The following UBR3 variants were observed in gnomAD, a reference collection of about 807,000 sequenced individuals.
The protein encoded by UBR3 is ubiquitin protein ligase E3 component n-recognin 3.
UBR3 carries 85 observed loss-of-function variants against 243.2 expected under a neutral mutation model. That is an observed-to-expected ratio of 0.35 (90% CI 0.29 to 0.42). The LOEUF is 0.42. UBR3 is among the 10% of genes least tolerant of loss of function. UBR3 has a pLI of 1.00. For missense variants in UBR3, 1,686 were observed against 2,300.8 expected (o/e 0.73, Z 5.47); for synonymous variants, 748 against 799.8 (o/e 0.94, Z 1.09).
chr2:170,031,495 T>C (rs1479525079), intron 31 of UBR3, among the ~76,000 whole-genome samples: 1 of 152,156 alleles, frequency 6.6e-6, no homozygotes, highest in Non-Finnish European at 1.5e-5. Flanking sequence ...TCTGTGGTTT[T>C]AATTTTTATG....
At chr2:170,036,061 T>C (rs1482763590) in intron 31 of UBR3, among the ~76,000 whole-genome samples, 1 of 152,066 alleles carries the variant, frequency 6.6e-6, no homozygotes, top group African/African-American at 2.4e-5. Context: ...CAGGAGTTTT[T>C]TGGTCAGTTT....
At chr2:170,009,073 T>C (rs7567572) in intron 29 of UBR3, 133 bp downstream of exon 29, 41,235 of 544,358 alleles carry the variant, frequency 0.076, 1,886 homozygotes, top group African/African-American at 0.16. Context: ...CTAGTTTTAG[T>C]GCCTGCTAGG....
chr2:169,914,798 C>T (rs1025144159), intron 11 of UBR3, among the ~76,000 whole-genome samples: 5 of 151,928 alleles, frequency 3.3e-5, no homozygotes, highest in Non-Finnish European at 5.9e-5. Context: ...CACACAGAAC[C>T]GTTGCTGTGT....
At chr2:169,896,373 ATTT>A (rs1217656049) in intron 7 of UBR3, 131 bp from the exon 8 acceptor site, 21 of 570,864 alleles carry the variant, frequency 3.7e-5, no homozygotes, top group Admixed American at 1.5e-4. Context: ...CACCATCGAG[ATTT>A]TTTTTAAGTT....
chr2:170,072,062 C>G (rs532291992), intron 35 of UBR3, among the ~76,000 whole-genome samples: 216 of 152,170 alleles, frequency 1.4e-3, no homozygotes, highest in Non-Finnish European at 2.6e-3. Context: ...CCCAGCCATC[C>G]CATTACTGGG....
intron 19 of UBR3, among the ~76,000 whole-genome samples, chr2:169,935,729 C>T (rs920278855): frequency 6.6e-6 from 1 of 152,158 alleles, no homozygotes; most frequent in Non-Finnish European, 1.5e-5. Flanking sequence ...TGGTTTGAGT[C>T]ACTTAAATAA....
chr2:169,951,291 ATCT>A (rs953535379), intron 23 of UBR3, among the ~76,000 whole-genome samples: 1 of 152,192 alleles, frequency 6.6e-6, no homozygotes, highest in African/African-American at 2.4e-5. Flanking sequence ...GGATAATTTC[ATCT>A]TCTTAGTTAC....
At chr2:169,935,080 T>C (rs921514567) in intron 19 of UBR3, among the ~76,000 whole-genome samples, 2 of 152,276 alleles carry the variant, frequency 1.3e-5, no homozygotes, top group African/African-American at 4.8e-5. Context: ...AAACCAGCAG[T>C]TGGAAAACCA....
chr2:169,962,038 G>A lies in UBR3; in HGVS notation c.3634+3512G>A, dbSNP rs6433159. Among the ~76,000 whole-genome samples, 445 of 151,988 alleles carry A rather than the reference G, an allele frequency of 2.9e-3. 3 individuals carry two copies. Among genetic ancestry groups the A allele is most frequent in the African/African-American group, 0.01 (420 of 41,438 alleles). On this transcript the variant is annotated intron_variant, in intron 24 of 38. Transcript: ENST00000272793. Reference sequence around the variant, plus strand: ...TTTCTCATATTAGGTAATGAAAGACGTTGTGGCTTCTGTCTTTGTTACTTT... The same window carrying A: ...TTTCTCATATTAGGTAATGAAAGACATTGTGGCTTCTGTCTTTGTTACTTT...
intron 3 of UBR3, 42 bp downstream of exon 3, chr2:169,875,991 A>G: frequency 1.4e-6 from 2 of 1,381,880 alleles, no homozygotes; most frequent in Non-Finnish European, 1.9e-6. Context: ...TTCATATCTT[A>G]CTATAATGAT....
chr2:169,831,700 C>T (rs1038798663), intron 1 of UBR3, among the ~76,000 whole-genome samples: 5 of 152,164 alleles, frequency 3.3e-5, no homozygotes, highest in African/African-American at 1.2e-4. Context: ...ACCTAAAAGA[C>T]TGCCTCTGGA....
At chr2:169,987,461 T>G (rs1219035544) in intron 25 of UBR3, among the ~76,000 whole-genome samples, 1 of 148,522 alleles carries the variant, frequency 6.7e-6, no homozygotes, top group Non-Finnish European at 1.5e-5. Flanking sequence ...CCTTAGCCCA[T>G]AAATATTGTC....
At chr2:170,017,546 GACACACACAC>G (rs34813217) in intron 30 of UBR3, among the ~76,000 whole-genome samples, 178 of 125,828 alleles carry the variant, frequency 1.4e-3, no homozygotes, top group Non-Finnish European at 2.4e-3. Context: ...CACACACACA[GACACACACAC>G]ACACACACAC....
At chr2:169,855,357 T>A (rs1030654405) in intron 1 of UBR3, among the ~76,000 whole-genome samples, 26 of 152,184 alleles carry the variant, frequency 1.7e-4, no homozygotes, top group African/African-American at 2.4e-4. Flanking sequence ...AATTTTTATT[T>A]TTTTTAGTAT....
intron 36 of UBR3, among the ~76,000 whole-genome samples, chr2:170,078,524 C>T (rs1320962608): frequency 6.6e-6 from 1 of 152,200 alleles, no homozygotes; most frequent in Non-Finnish European, 1.5e-5. Context: ...AGAGCATACA[C>T]ATTCTGTAGG....
chr2:169,970,431 G>A lies in UBR3; in HGVS notation c.3634+11905G>A, dbSNP rs1295187996. Among the ~76,000 whole-genome samples, 8 of 129,802 alleles carry A rather than the reference G, an allele frequency of 6.2e-5. No individual in the cohort carries two copies. In the South Asian group the frequency reaches 8.2e-4, roughly 13 times the overall value. 85.2% of individuals were successfully genotyped at this position (129,802 alleles called of 152,430 possible). A position where few individuals can be genotyped will look rare whatever the true frequency, so the allele number is the denominator to read the frequency against. On this transcript the variant is annotated intron_variant, in intron 24 of 38. Coordinates refer to ENST00000272793, the MANE Select transcript of UBR3 (RefSeq NM_172070.4). ...GCTGGTGCGCTGCACCCACTAACTCGTCATCTAGCATTAGGTATATCTCCC... is the reference window on the plus strand; with the variant it reads ...GCTGGTGCGCTGCACCCACTAACTCATCATCTAGCATTAGGTATATCTCCC...
At chr2:169,886,762 C>T (rs897675112) in intron 5 of UBR3, among the ~76,000 whole-genome samples, 9 of 152,200 alleles carry the variant, frequency 5.9e-5, no homozygotes, top group Non-Finnish European at 1.3e-4. Flanking sequence ...ACATTTCCCC[C>T]TGGGCCCCAC....
chr2:169,922,087 G>A (rs556988436), intron 11 of UBR3, among the ~76,000 whole-genome samples: 20 of 152,048 alleles, frequency 1.3e-4, no homozygotes, highest in African/African-American at 3.6e-4. Flanking sequence ...AGGAGTTCGA[G>A]AGCAGTCTGG....
chr2:170,038,378 A>G (rs2105429700), intron 31 of UBR3, among the ~76,000 whole-genome samples: 1 of 152,346 alleles, frequency 6.6e-6, no homozygotes, highest in South Asian at 2.1e-4. Flanking sequence ...TTGTTCATTC[A>G]TCCATCCCTT....
Sources: allele counts gnomAD v4.1 joint callset (sites outside exome capture counted in the v4.1 genomes callset), GRCh38; gene constraint gnomAD v4.1.1; transcripts MANE v1.5; gene names NCBI Gene and HGNC (gene_info 2026-07-23, HGNC 2026-07-21).